The following CADPS2 variants were observed in gnomAD, a reference collection of about 807,000 sequenced individuals.
The protein encoded by CADPS2 is calcium-dependent secretion activator 2.
CADPS2 carries 93 observed loss-of-function variants against 172.5 expected under a neutral mutation model. The ratio of observed to expected loss-of-function variants is 0.54; its 90% confidence interval spans 0.46 to 0.64. CADPS2 has a LOEUF of 0.64. Ranked by LOEUF, CADPS2 falls within the 30% of genes least tolerant of loss-of-function variation. The pLI is 0.00. For synonymous variants in CADPS2, 546 were observed against 555.2 expected, an observed-to-expected ratio of 0.98 and a Z score of 0.23; for missense variants, 1,420 against 1,565.9, an observed-to-expected ratio of 0.91 and a Z score of 1.57.
At chr7:122,457,121 A>T (rs949080615) in intron 14 of CADPS2, among the ~76,000 whole-genome samples, 1 of 152,322 alleles carries the variant, frequency 6.6e-6, no homozygotes, top group Middle Eastern at 3.4e-3. Context: ...TGGTAAAACA[A>T]ACTAAAAATT....
chr7:122,525,872 G>T (rs977593133), intron 8 of CADPS2, among the ~76,000 whole-genome samples: 1 of 152,112 alleles, frequency 6.6e-6, no homozygotes, highest in Admixed American at 6.6e-5. Flanking sequence ...TGTAGGAATT[G>T]TAACACAATG....
At chr7:122,492,499 C>T (rs1202440614) in intron 9 of CADPS2, among the ~76,000 whole-genome samples, 1 of 152,018 alleles carries the variant, frequency 6.6e-6, no homozygotes, top group Non-Finnish European at 1.5e-5. Flanking sequence ...GTTTCATTAG[C>T]CCAGTTTGGG....
At chr7:122,752,210 T>C (rs2092981244) in intron 1 of CADPS2, among the ~76,000 whole-genome samples, 1 of 152,208 alleles carries the variant, frequency 6.6e-6, no homozygotes. Flanking sequence ...CATTAGTTTC[T>C]TTCTCAGTTA....
chr7:122,650,330 A>C (rs917066276), intron 3 of CADPS2, among the ~76,000 whole-genome samples: 5 of 152,154 alleles, frequency 3.3e-5, no homozygotes, highest in African/African-American at 1.2e-4. Flanking sequence ...ATTATGCTTG[A>C]AACAGTACAC....
At position 122,824,555 on chromosome 7, in the gene CADPS2, T is replaced by C. The variant is rs894608512; in HGVS notation, c.339+61444A>G. 2.0e-5 allele frequency among the ~76,000 whole-genome samples: 3 copies of C among 152,224 alleles called. 1 individual carries two copies. The highest frequency in any genetic ancestry group is 4.1e-4 in the South Asian group (2 of 4,838). ...TATTTAGTTTTCTTTTAACTGTCTG[T>C]TCATATCCTTTGCTCTTTATTTAGT... is the stretch of plus-strand genomic sequence containing the variant. On this transcript the variant is annotated intron_variant, in intron 1 of 29. Transcript: ENST00000449022.
At chr7:122,402,212 A>G (rs767546974) in intron 20 of CADPS2, among the ~76,000 whole-genome samples, 14 of 152,110 alleles carry the variant, frequency 9.2e-5, no homozygotes, top group Non-Finnish European at 1.9e-4. Context: ...TGCCCCCGAC[A>G]ACACAATGCC....
At position 122,513,297 on chromosome 7, in the gene CADPS2, TC is replaced by T; in HGVS notation, c.1493del (p.Gly498AspfsTer15). On this transcript the variant is annotated frameshift_variant, in exon 9 of 30. Coordinates refer to ENST00000449022, the MANE Select transcript of CADPS2 (RefSeq NM_017954.11). LOFTEE classifies it high-confidence loss of function. ...MKHSGYLYAL[G>X]QKVWKRWKKR... ...TTTTCCATCTTTTCCAAACCTTCTG[TC>T]CAAGGGCATACAGATATCTGGAAAG... The T allele has an allele frequency of 6.4e-7, 1 of 1,560,706 alleles. No homozygotes were observed. The highest frequency in any genetic ancestry group is 8.7e-7 in the Non-Finnish European group (1 of 1,150,978).
At chr7:122,691,509 G>A (rs758417726) in intron 2 of CADPS2, among the ~76,000 whole-genome samples, 5 of 152,194 alleles carry the variant, frequency 3.3e-5, no homozygotes, top group African/African-American at 7.2e-5. Flanking sequence ...CTGCTTGGCT[G>A]TGTAAGCCTC....
In CADPS2 at chr7:122,735,390, T is replaced by C. The variant is rs555548598; in HGVS notation, c.453+1565A>G. The stretch of plus-strand genomic sequence containing the variant: ...TGATCACTAAATTTGTGCACTTTTT[T>C]TATTCATATATGGTGCCCAGAAGAG... On this transcript the variant is annotated intron_variant, in intron 2 of 29. Transcript: ENST00000449022. 2.0e-5 allele frequency among the ~76,000 whole-genome samples: 3 copies of C among 152,238 alleles called. No individual in the cohort carries two copies. In the East Asian group the frequency reaches 5.8e-4, roughly 29 times the overall value.
chr7:122,520,446 C>T (rs961548149), intron 8 of CADPS2, among the ~76,000 whole-genome samples: 4 of 151,676 alleles, frequency 2.6e-5, no homozygotes, highest in African/African-American at 7.3e-5. Flanking sequence ...CCTTTAAATA[C>T]TATATATTCT....
chr7:122,874,398 G>T (rs1820657335), intron 1 of CADPS2, among the ~76,000 whole-genome samples: 1 of 152,056 alleles, frequency 6.6e-6, no homozygotes, highest in African/African-American at 2.4e-5. Flanking sequence ...ACAAACAAAT[G>T]GAAAAACATT....
At chr7:122,702,980 A>T (rs1341647669) in intron 2 of CADPS2, 2 of 460,878 alleles carry the variant, frequency 4.3e-6, no homozygotes, top group African/African-American at 4.0e-5. Flanking sequence ...TGTGATTTCA[A>T]GAAAATTATG....
At chr7:122,490,669 A>G (rs1325153783) in intron 10 of CADPS2, among the ~76,000 whole-genome samples, 4 of 151,792 alleles carry the variant, frequency 2.6e-5, no homozygotes, top group African/African-American at 4.8e-5. Flanking sequence ...GACAAAAATG[A>G]TATTTCATAT....
chr7:122,368,284 A>G (rs2041246667), intron 25 of CADPS2: 1 of 152,428 alleles, frequency 6.6e-6, no homozygotes, highest in Admixed American at 6.5e-5. Context: ...GTCTCACAGA[A>G]TGTATGCATG....
chr7:122,361,419 A>G (rs1281185346), intron 25 of CADPS2, among the ~76,000 whole-genome samples: 1 of 151,804 alleles, frequency 6.6e-6, no homozygotes, highest in Non-Finnish European at 1.5e-5. Context: ...TTTTTAGTAG[A>G]GACGGGGTTT....
chr7:122,471,478 A>T lies in CADPS2; in HGVS notation c.2083T>A (p.Tyr695Asn). 6.2e-7 allele frequency: 1 copy of T among 1,613,288 alleles called. No individual in the cohort carries two copies. Among genetic ancestry groups the T allele is most frequent in the Non-Finnish European group, 8.5e-7 (1 of 1,179,582 alleles). The change falls in exon 14 of 30, where the codon TAC becomes AAC. Residue 695 changes from tyrosine to asparagine, a missense_variant. Transcript: ENST00000449022. ...GAATGTTCCATCAGTTCTGCAAGGT[A>T]GCAGAGATGTCTGTGACAGCCTCTC... is the stretch of plus-strand genomic sequence containing the variant. The part of the protein sequence containing the change: ...GVRGCHRHLC[Y>N]LAELMEHSEN...
chr7:122,886,281 G>T lies in CADPS2; in HGVS notation c.57C>A (p.Ser19Arg). The T allele has an allele frequency of 6.6e-7, 1 of 1,505,448 alleles. No individual in the cohort carries two copies. The highest frequency in any genetic ancestry group is 8.8e-7 in the Non-Finnish European group (1 of 1,135,196). 93.3% of individuals were successfully genotyped at this position (1,505,448 alleles called of 1,614,324 possible). A position where few individuals can be genotyped will look rare whatever the true frequency, so the allele number is the denominator to read the frequency against. The change falls in exon 1 of 30, where the codon AGC becomes AGA. Residue 19 changes from serine to arginine, a missense_variant. Physicochemically the swap from Ser to Arg is moderately radical, Grantham distance 110. Coordinates refer to ENST00000449022, the MANE Select transcript of CADPS2 (RefSeq NM_017954.11). Reference protein sequence around the residue: ...EESDEGLEEESRDVLVAAGSS... With the variant: ...EESDEGLEEERRDVLVAAGSS... ...TGCCGGCTGCCACCAGCACATCGCG[G>T]CTTTCCTCTTCCAGCCCCTCGTCCG...
At chr7:122,697,817 C>T (rs1241973757) in intron 2 of CADPS2, 2 of 1,594,938 alleles carry the variant, frequency 1.3e-6, no homozygotes, top group Admixed American at 1.8e-5. Context: ...TCTTCCACTA[C>T]TGAATGAGGC....
intron 17 of CADPS2, among the ~76,000 whole-genome samples, chr7:122,416,369 G>A (rs2047921848): frequency 6.6e-6 from 1 of 151,576 alleles, no homozygotes. Flanking sequence ...AACTGCAAGT[G>A]CTTTGCCATT....
Sources: gnomAD v4.1 joint callset for allele counts (sites outside exome capture counted in the v4.1 genomes callset) on GRCh38, gnomAD v4.1.1 for gene constraint, MANE v1.5 for transcripts, NCBI Gene and HGNC (gene_info 2026-07-23, HGNC 2026-07-21) for gene names.